The following GPC5 variants were observed in gnomAD, a reference collection of about 807,000 sequenced individuals.
The protein encoded by GPC5 is glypican-5.
In GPC5, 47 loss-of-function variants were observed where a neutral mutation model predicts 53.9. The ratio of observed to expected loss-of-function variants is 0.87; its 90% CI spans 0.69 to 1.11. The LOEUF (loss-of-function observed/expected upper bound fraction) is 1.11, where lower values mean the gene tolerates loss of function less well. GPC5 is among the 50% of genes most tolerant of loss of function. The pLI is 0.00. For synonymous variants in GPC5, 286 were observed against 263.3 expected (o/e 1.09, Z -0.84); for missense variants, 748 against 713.1 (o/e 1.05, Z -0.56).
chr13:91,829,454 AAT>A (rs1566290384), intron 5 of GPC5, among the ~76,000 whole-genome samples: 1 of 152,052 alleles, frequency 6.6e-6, no homozygotes, highest in African/African-American at 2.4e-5. Flanking sequence ...GTTAGTATTA[AAT>A]TTTTTGATTT....
chr13:91,893,278 G>A (rs762020953), intron 5 of GPC5, among the ~76,000 whole-genome samples: 12 of 151,968 alleles, frequency 7.9e-5, no homozygotes, highest in Non-Finnish European at 1.8e-4. Context: ...GTATGCCAAT[G>A]ACTTTGTATT....
intron 7 of GPC5, among the ~76,000 whole-genome samples, chr13:92,650,983 T>C (rs1885939387): frequency 6.6e-6 from 1 of 152,034 alleles, no homozygotes; most frequent in African/African-American, 2.4e-5. Flanking sequence ...CTCCCACTTA[T>C]GAGTGAGAAC....
intron 2 of GPC5, among the ~76,000 whole-genome samples, chr13:91,691,384 GA>G (rs886588884): frequency 1.3e-5 from 2 of 152,144 alleles, no homozygotes; most frequent in Admixed American, 6.5e-5. Context: ...AAGCCCAGGT[GA>G]TCAGGCCATT....
intron 5 of GPC5, among the ~76,000 whole-genome samples, chr13:91,813,493 GC>G (rs2138810421): frequency 6.6e-6 from 1 of 152,332 alleles, no homozygotes; most frequent in Non-Finnish European, 1.5e-5. Flanking sequence ...AAGAGAATTT[GC>G]AGAACAGAAC....
At chr13:91,467,707 T>A (rs1179508465) in intron 2 of GPC5, among the ~76,000 whole-genome samples, 2 of 152,196 alleles carry the variant, frequency 1.3e-5, no homozygotes, top group African/African-American at 2.4e-5. Flanking sequence ...ATGCTACATT[T>A]AAAAATTTTA....
At chr13:91,419,492 C>T (rs1007077758) in intron 1 of GPC5, among the ~76,000 whole-genome samples, 1 of 152,050 alleles carries the variant, frequency 6.6e-6, no homozygotes, top group Non-Finnish European at 1.5e-5. Flanking sequence ...CAGTCAACAA[C>T]GTGATTCACA....
intron 7 of GPC5, among the ~76,000 whole-genome samples, chr13:92,630,864 A>G (rs1449277291): frequency 6.6e-6 from 1 of 152,080 alleles, no homozygotes; most frequent in Non-Finnish European, 1.5e-5. Context: ...CAATGCTTAT[A>G]TGTTTCCTTT....
rs140600060 is a variant in GPC5, at chr13:92,580,689, A to G, written c.1562-285593A>G. Among the ~76,000 whole-genome samples the G allele has an allele frequency of 2.4e-3, 366 of 152,246 alleles. 1 individual carries two copies. Among genetic ancestry groups the G allele is most frequent in the African/African-American group, 8.1e-3 (335 of 41,554 alleles). Reference sequence around the variant, plus strand: ...ATCACATGGTGAAAGCAGGAGCAAGAGAGTGGCAGAGGTGACACTCACACT... The same window carrying G: ...ATCACATGGTGAAAGCAGGAGCAAGGGAGTGGCAGAGGTGACACTCACACT... On this transcript the variant is annotated intron_variant, in intron 7 of 7. Transcript: ENST00000377067.
At chr13:92,120,773 A>C (rs2041642718) in intron 6 of GPC5, among the ~76,000 whole-genome samples, 10 of 152,086 alleles carry the variant, frequency 6.6e-5, no homozygotes, top group Admixed American at 6.5e-4. Context: ...TGAGATGTGA[A>C]ATTTTATCTA....
intron 2 of GPC5, among the ~76,000 whole-genome samples, chr13:91,567,025 G>A (rs900631479): frequency 2.0e-5 from 3 of 150,146 alleles, no homozygotes; most frequent in African/African-American, 4.9e-5. Context: ...ACAGAATTTG[G>A]GACTGTCTCT....
At chr13:91,556,553 G>C (rs2030962727) in intron 2 of GPC5, among the ~76,000 whole-genome samples, 1 of 150,036 alleles carries the variant, frequency 6.7e-6, no homozygotes. Flanking sequence ...GTGTGTGTGT[G>C]TGTATATATA....
intron 7 of GPC5, among the ~76,000 whole-genome samples, chr13:92,300,536 T>C (rs2043068415): frequency 6.6e-6 from 1 of 152,158 alleles, no homozygotes; most frequent in African/African-American, 2.4e-5. Flanking sequence ...AACTCAAATA[T>C]CTTTATGGAT....
intron 7 of GPC5, among the ~76,000 whole-genome samples, chr13:92,419,707 T>G (rs1035001387): frequency 6.6e-6 from 1 of 152,174 alleles, no homozygotes; most frequent in African/African-American, 2.4e-5. Flanking sequence ...ACCAGCATGG[T>G]TTAACATTTA....
At chr13:92,487,000 C>T (rs546694727) in intron 7 of GPC5, among the ~76,000 whole-genome samples, 79 of 152,158 alleles carry the variant, frequency 5.2e-4, no homozygotes, top group African/African-American at 1.8e-3. Flanking sequence ...GGATTATAGC[C>T]GCCCACCATC....
chr13:92,691,673 TATTAA>T (rs1409256630), intron 7 of GPC5, among the ~76,000 whole-genome samples: 1 of 152,180 alleles, frequency 6.6e-6, no homozygotes. Flanking sequence ...TGTAATTTAA[TATTAA>T]ATTATCACAT....
intron 2 of GPC5, among the ~76,000 whole-genome samples, chr13:91,651,767 A>T (rs1260265574): frequency 6.6e-6 from 1 of 152,178 alleles, no homozygotes; most frequent in African/African-American, 2.4e-5. Flanking sequence ...ATATTAATTA[A>T]GGAAAATGTG....
chr13:91,670,006 A>G (rs2035207709), intron 2 of GPC5, among the ~76,000 whole-genome samples: 1 of 152,192 alleles, frequency 6.6e-6, no homozygotes. Flanking sequence ...TTGGACACTG[A>G]GTGAACCCAA....
At chr13:91,457,889 G>A (rs1881669517) in intron 2 of GPC5, among the ~76,000 whole-genome samples, 5 of 152,096 alleles carry the variant, frequency 3.3e-5, no homozygotes, top group Admixed American at 3.3e-4. Context: ...TGCCAGCACT[G>A]TTTAAAGTGC....
At chr13:91,496,006 G>C (rs1420580884) in intron 2 of GPC5, among the ~76,000 whole-genome samples, 2 of 151,324 alleles carry the variant, frequency 1.3e-5, no homozygotes, top group East Asian at 3.9e-4. Flanking sequence ...CTGGGTGACA[G>C]AGAGAGACTC....
Sources: allele counts gnomAD v4.1 joint callset (sites outside exome capture counted in the v4.1 genomes callset), GRCh38; gene constraint gnomAD v4.1.1; transcripts MANE v1.5; gene names NCBI Gene and HGNC (gene_info 2026-07-23, HGNC 2026-07-21).